Variants in ZBTB44 observed in about 807,000 individuals in gnomAD.
ZBTB44 encodes zinc finger and BTB domain-containing protein 44.
ZBTB44 carries 15 observed loss-of-function variants against 54.0 expected under a neutral mutation model. The ratio of observed to expected loss-of-function variants is 0.28; its 90% confidence interval spans 0.19 to 0.43. ZBTB44 has a LOEUF of 0.43. Ranked by LOEUF, ZBTB44 falls within the 20% of genes least tolerant of loss-of-function variation. The probability of loss-of-function intolerance (pLI) is 1.00; values close to 1 mark genes in which losing one functional copy is unlikely to be tolerated. For synonymous variants in ZBTB44, 230 were observed against 250.1 expected, an observed-to-expected ratio of 0.92 and a Z score of 0.76; for missense variants, 487 against 707.1, an observed-to-expected ratio of 0.69 and a Z score of 3.53.
chr11:130,301,710 A>C (rs1421412149), intron 1 of ZBTB44, among the ~76,000 whole-genome samples: 2 of 151,006 alleles, frequency 1.3e-5, no homozygotes, highest in Non-Finnish European at 2.9e-5. Flanking sequence ...ATGTATGATA[A>C]GAGGCACTGA....
rs889853953 is a variant in ZBTB44, at chr11:130,227,893, T to C, written c.*3871A>G. 8 of 152,182 alleles carry C rather than the reference T, an allele frequency of 5.3e-5. No homozygotes were observed. The highest frequency in any genetic ancestry group is 1.7e-4 in the African/African-American group (7 of 41,444). 9.4% of individuals were successfully genotyped at this position (152,182 alleles called of 1,614,324 possible). On this transcript the variant is annotated 3_prime_UTR_variant, in exon 8 of 8. Transcript: ENST00000357899. ...TCATTATGCTTCTCTGGAAAGACAC[T>C]TCTAAATCCTGGAGATTAAATTTAC...
intron 2 of ZBTB44, among the ~76,000 whole-genome samples, chr11:130,247,547 C>T (rs1331280509): frequency 6.6e-6 from 1 of 152,186 alleles, no homozygotes; most frequent in Non-Finnish European, 1.5e-5. Context: ...AGATCATCTG[C>T]CTGCCTGCCT....
rs560191838 is a variant in ZBTB44 at position 130,308,019 on chromosome 11, C to T, written c.-57+6356G>A. 1.1e-4 allele frequency among the ~76,000 whole-genome samples: 17 copies of T among 152,310 alleles called. 1 individual carries two copies. Among genetic ancestry groups the T allele is most frequent in the African/African-American group, 3.4e-4 (14 of 41,568 alleles). On this transcript the variant is annotated intron_variant, in intron 1 of 7. Transcript: ENST00000357899. ...GGGATTACAGGCATGAGCCACCGTGCGCAACCCTGTAATACCATATTTTTA... is the reference window on the plus strand; with the variant it reads ...GGGATTACAGGCATGAGCCACCGTGTGCAACCCTGTAATACCATATTTTTA...
intron 1 of ZBTB44, among the ~76,000 whole-genome samples, chr11:130,288,838 A>G (rs1941131651): frequency 6.6e-6 from 1 of 151,868 alleles, no homozygotes; most frequent in Non-Finnish European, 1.5e-5. Context: ...CGGAGGTTGC[A>G]GTGAGCTGAG....
At chr11:130,309,755 G>A (rs1172601362) in intron 1 of ZBTB44, among the ~76,000 whole-genome samples, 1 of 151,856 alleles carries the variant, frequency 6.6e-6, no homozygotes, top group Non-Finnish European at 1.5e-5. Flanking sequence ...AGCTGGGCGT[G>A]GTGGTACATG....
At chr11:130,311,718 A>C (rs1470199243) in intron 1 of ZBTB44, among the ~76,000 whole-genome samples, 1 of 152,244 alleles carries the variant, frequency 6.6e-6, no homozygotes, top group African/African-American at 2.4e-5. Flanking sequence ...CCAAACATCC[A>C]GAACTTGGTT....
chr11:130,238,760 T>C, intron 3 of ZBTB44, 153 bp from the exon 4 acceptor site: 1 of 800,198 alleles, frequency 1.2e-6, no homozygotes. Flanking sequence ...TTTAACAATA[T>C]GAAAAACAAT....
At chr11:130,276,652 C>A (rs1404876804) in intron 1 of ZBTB44, among the ~76,000 whole-genome samples, 1 of 151,996 alleles carries the variant, frequency 6.6e-6, no homozygotes, top group Non-Finnish European at 1.5e-5. Flanking sequence ...CCAGGCTGGT[C>A]TCAAACTCCT....
chr11:130,313,938 T>TGTTTGTGTG (rs1565346586), intron 1 of ZBTB44, among the ~76,000 whole-genome samples: 1 of 98,520 alleles, frequency 1.0e-5, no homozygotes, highest in African/African-American at 3.4e-5. Flanking sequence ...GTGTGTGTGT[T>TGTTTGTGTG]TGTGTGTGTG....
Position 130,234,153 on chromosome 11 carries a change from G to C in ZBTB44, c.1686+3C>G. 2 of 1,544,378 alleles carry C rather than the reference G, an allele frequency of 1.3e-6. No homozygotes were observed. The highest frequency in any genetic ancestry group is 1.7e-6 in the Non-Finnish European group (2 of 1,144,078). On this transcript the variant is annotated splice_donor_region_variant and intron_variant, in intron 6 of 7. Transcript: ENST00000357899. ...TGCTTTCACAATTCTGGGTTGAGGA[G>C]ACCTGTGAAATGACAGGCATTTGAA...
At chr11:130,309,142 T>C (rs1055745310) in intron 1 of ZBTB44, among the ~76,000 whole-genome samples, 3 of 152,200 alleles carry the variant, frequency 2.0e-5, no homozygotes, top group African/African-American at 7.2e-5. Context: ...TCCTGTAACA[T>C]GCCCAGCAAG....
intron 5 of ZBTB44, chr11:130,236,306 A>G (rs1459230088): frequency 1.7e-6 from 2 of 1,209,722 alleles, no homozygotes; most frequent in East Asian, 1.1e-4. Context: ...TTCATGATCT[A>G]AACCATCACA....
At position 130,313,914 on chromosome 11, in the gene ZBTB44, GTGTGTGTGTA is replaced by G. The variant is rs1305379413; in HGVS notation, c.-57+451_-57+460del. On this transcript the variant is annotated intron_variant, in intron 1 of 7. Transcript: ENST00000357899. ...AGGAAGGAAAGGAAAAGAGGTGTGT[GTGTGTGTGTA>G]TGTGTGTGTGTGTTTGTGTGTGTGT... Among the ~76,000 whole-genome samples the G allele has an allele frequency of 9.2e-4, 124 of 135,344 alleles. 2 individuals carry two copies. The Admixed American group carries it at 9.9e-3, about 11-fold the overall frequency. 88.8% of individuals were successfully genotyped at this position (135,344 alleles called of 152,430 possible). A position where few individuals can be genotyped will look rare whatever the true frequency, so the allele number is the denominator to read the frequency against.
intron 1 of ZBTB44, among the ~76,000 whole-genome samples, chr11:130,312,363 C>A (rs1310559306): frequency 4.6e-5 from 7 of 152,208 alleles, no homozygotes; most frequent in Non-Finnish European, 8.8e-5. Context: ...CATTTAGCAT[C>A]ATTAATAGTG....
At chr11:130,244,612 A>G (rs989587242) in intron 2 of ZBTB44, among the ~76,000 whole-genome samples, 1 of 148,250 alleles carries the variant, frequency 6.7e-6, no homozygotes, top group Non-Finnish European at 1.5e-5. Context: ...GCTTGCAGTG[A>G]GCCAAGATTG....
chr11:130,287,059 G>A (rs904752774), intron 1 of ZBTB44, among the ~76,000 whole-genome samples: 2 of 152,128 alleles, frequency 1.3e-5, no homozygotes, highest in South Asian at 2.1e-4. Flanking sequence ...GAATGTGTTC[G>A]CCATCTTGCA....
At chr11:130,313,966 A>ATATATATATTTTTTT (rs1160244728) in intron 1 of ZBTB44, among the ~76,000 whole-genome samples, 1 of 116,134 alleles carries the variant, frequency 8.6e-6, no homozygotes, top group African/African-American at 2.8e-5. Context: ...ATATATATAT[A>ATATATATATTTTTTT]TTTTTTTAAA....
Position 130,291,913 on chromosome 11 carries a change from TG to T in ZBTB44, c.-57+22461del, listed in dbSNP as rs572271055. ...AGATAAGGAATACTGCCACAATTTCTGTAAGTTTCTTTGCAGTCTCACCTTC... is the reference window on the plus strand; with the variant it reads ...AGATAAGGAATACTGCCACAATTTCTTAAGTTTCTTTGCAGTCTCACCTTC... On this transcript the variant is annotated intron_variant, in intron 1 of 7. Transcript: ENST00000357899. Among the ~76,000 whole-genome samples, 632 of 152,350 alleles carry T rather than the reference TG, an allele frequency of 4.1e-3. 2 individuals carry two copies. Among genetic ancestry groups the T allele is most frequent in the Non-Finnish European group, 6.3e-3 (428 of 68,026 alleles).
intron 1 of ZBTB44, among the ~76,000 whole-genome samples, chr11:130,289,981 C>A (rs1225385793): frequency 6.6e-6 from 1 of 152,146 alleles, no homozygotes; most frequent in Non-Finnish European, 1.5e-5. Flanking sequence ...AAAGCTAAAA[C>A]CCCCAAATGT....
Sources: gnomAD v4.1 joint callset for allele counts (sites outside exome capture counted in the v4.1 genomes callset) on GRCh38, gnomAD v4.1.1 for gene constraint, MANE v1.5 for transcripts, NCBI Gene and HGNC (gene_info 2026-07-23, HGNC 2026-07-21) for gene names.